Variants in CNIH3 observed in about 807,000 individuals in gnomAD.
The protein encoded by CNIH3 is cornichon family AMPA receptor auxiliary protein 3, also known as protein cornichon homolog 3.
A neutral mutation model predicts 24.1 loss-of-function variants in CNIH3; 14 were observed. The ratio of observed to expected loss-of-function variants is 0.58; its 90% CI spans 0.38 to 0.91. The LOEUF (loss-of-function observed/expected upper bound fraction) is 0.91. Among genes scored for constraint, CNIH3 ranks in the 40% least tolerant of loss-of-function variants. The pLI is 0.00. For missense variants in CNIH3, 178 were observed against 196.8 expected (o/e 0.90, Z 0.57); for synonymous variants, 68 against 73.8 (o/e 0.92, Z 0.40).
At chr1:224,535,666 C>T (rs755377270) in intron 2 of CNIH3, among the ~76,000 whole-genome samples, 10 of 152,056 alleles carry the variant, frequency 6.6e-5, no homozygotes, top group African/African-American at 1.7e-4. Flanking sequence ...ATGTAGTAAC[C>T]GAGGAGAGTG....
downstream of CNIH3, among the ~76,000 whole-genome samples, chr1:224,592,051 G>C (rs1015988147): frequency 2.6e-5 from 4 of 152,132 alleles, no homozygotes; most frequent in Non-Finnish European, 5.9e-5. Context: ...TCATTCAGAT[G>C]ACACAGGCAG....
At chr1:224,494,600 A>G (rs1202629351) in intron 1 of CNIH3, among the ~76,000 whole-genome samples, 1 of 152,140 alleles carries the variant, frequency 6.6e-6, no homozygotes, top group African/African-American at 2.4e-5. Flanking sequence ...GCTTGATGGT[A>G]CTAAATACTG....
At chr1:224,486,382 G>A (rs547332827) in intron 1 of CNIH3, among the ~76,000 whole-genome samples, 28 of 152,162 alleles carry the variant, frequency 1.8e-4, no homozygotes, top group Admixed American at 1.6e-3. Flanking sequence ...CAAAGTGCTG[G>A]GATTACAGGC....
At chr1:224,656,549 G>T (rs578249244) in intron 1 of CNIH3, among the ~76,000 whole-genome samples, 1 of 152,020 alleles carries the variant, frequency 6.6e-6, no homozygotes, top group East Asian at 1.9e-4. Flanking sequence ...GGCGGGCGGC[G>T]GGGGGGCGGT....
At chr1:224,523,064 A>G (rs754064062) in intron 2 of CNIH3, among the ~76,000 whole-genome samples, 4 of 152,112 alleles carry the variant, frequency 2.6e-5, no homozygotes, top group African/African-American at 7.2e-5. Flanking sequence ...GGAAGACTCC[A>G]TCTCTACAAA....
intron 1 of CNIH3, among the ~76,000 whole-genome samples, chr1:224,627,316 C>G (rs1683585866): frequency 1.3e-5 from 2 of 151,936 alleles, no homozygotes; most frequent in South Asian, 4.2e-4. Context: ...AACCTCTGCC[C>G]CCGGGTTCAA....
At chr1:224,640,243 A>C (rs2125090748) in intron 1 of CNIH3, among the ~76,000 whole-genome samples, 1 of 152,284 alleles carries the variant, frequency 6.6e-6, no homozygotes, top group Admixed American at 6.5e-5. Flanking sequence ...GCTCTGTGAC[A>C]GTGAGTGTAT....
chr1:224,640,396 T>C (rs553659682), intron 1 of CNIH3, among the ~76,000 whole-genome samples: 1 of 152,294 alleles, frequency 6.6e-6, no homozygotes, highest in South Asian at 2.1e-4. Context: ...TCCCAGCCCT[T>C]CAACAACAGT....
downstream of CNIH3, among the ~76,000 whole-genome samples, chr1:224,590,178 T>A (rs1371251064): frequency 6.6e-6 from 1 of 152,196 alleles, no homozygotes; most frequent in Non-Finnish European, 1.5e-5. Context: ...CCAGCTGATA[T>A]CCACTTTTAA....
At chr1:224,649,588 A>G (rs1684771131) in intron 1 of CNIH3, among the ~76,000 whole-genome samples, 1 of 152,202 alleles carries the variant, frequency 6.6e-6, no homozygotes, top group African/African-American at 2.4e-5. Context: ...TGAATTCTAT[A>G]TTTAACTCTA....
At chr1:224,456,886 A>G (rs1675685600) in intron 1 of CNIH3, among the ~76,000 whole-genome samples, 1 of 152,242 alleles carries the variant, frequency 6.6e-6, no homozygotes, top group South Asian at 2.1e-4. Flanking sequence ...AGATACAGGA[A>G]GAGGCTTGTG....
chr1:224,620,214 T>G (rs1288225838), intron 1 of CNIH3, among the ~76,000 whole-genome samples: 1 of 152,278 alleles, frequency 6.6e-6, no homozygotes, highest in Admixed American at 6.5e-5. Context: ...TTGCATACCC[T>G]CAGGCACCTG....
At chr1:224,602,712 A>G (rs967655439) in intron 3 of CNIH3, among the ~76,000 whole-genome samples, 13 of 152,236 alleles carry the variant, frequency 8.5e-5, no homozygotes, top group African/African-American at 2.9e-4. Context: ...GTGGCTTTGA[A>G]TTTCAGCCTA....
intron 5 of CNIH3, among the ~76,000 whole-genome samples, chr1:224,583,926 C>T (rs190536981): frequency 1.4e-4 from 21 of 152,314 alleles, no homozygotes; most frequent in Admixed American, 1.2e-3. Context: ...TTAGACCAGT[C>T]GCTGCTCCAA....
intron 1 of CNIH3, among the ~76,000 whole-genome samples, chr1:224,629,843 C>T (rs1482429780): frequency 6.6e-6 from 1 of 152,136 alleles, no homozygotes; most frequent in African/African-American, 2.4e-5. Flanking sequence ...CAGCAGGACC[C>T]ACTTCATGCA....
chr1:224,689,662 C>T (rs1686836235), intron 3 of CNIH3, among the ~76,000 whole-genome samples: 1 of 152,172 alleles, frequency 6.6e-6, no homozygotes, highest in African/African-American at 2.4e-5. Context: ...TGGAACGAGC[C>T]TCCTAAACAC....
rs1034093932 is a variant in CNIH3 at position 224,473,253 on chromosome 1, C to T, written n.203+38391C>T. On this transcript the variant is annotated intron_variant and non_coding_transcript_variant, in intron 1 of 5. Transcript: ENST00000471578. ...ATCATCACCTTCACTAAAAGGAAGACAGGAAGGAAGGAAATAAGAGAAGAC... is the reference window on the plus strand; with the variant it reads ...ATCATCACCTTCACTAAAAGGAAGATAGGAAGGAAGGAAATAAGAGAAGAC... 1.6e-4 allele frequency among the ~76,000 whole-genome samples: 24 copies of T among 151,868 alleles called. 1 individual carries two copies. The highest frequency in any genetic ancestry group is 5.6e-4 in the African/African-American group (23 of 41,426).
At chr1:224,470,671 A>G (rs1676334295) in intron 1 of CNIH3, among the ~76,000 whole-genome samples, 1 of 151,662 alleles carries the variant, frequency 6.6e-6, no homozygotes, top group Non-Finnish European at 1.5e-5. Context: ...GGATCTGCCT[A>G]TGTTTTGAAC....
chr1:224,689,444 C>T (rs928100382), intron 3 of CNIH3, among the ~76,000 whole-genome samples: 2 of 152,204 alleles, frequency 1.3e-5, no homozygotes, highest in African/African-American at 4.8e-5. Context: ...AGCATCCCCT[C>T]CCATTTTCTT....
Sources: allele counts gnomAD v4.1 joint callset (sites outside exome capture counted in the v4.1 genomes callset), GRCh38; gene constraint gnomAD v4.1.1; transcripts MANE v1.5; gene names NCBI Gene and HGNC (gene_info 2026-07-23, HGNC 2026-07-21).